FSTL5: variants seen among roughly 807,000 people sequenced by gnomAD.
FSTL5 encodes follistatin like 5, also known as follistatin-related protein 5.
Under a neutral mutation model 89.1 loss-of-function variants are expected in FSTL5, and 62 were observed. The ratio of observed to expected loss-of-function variants is 0.70; its 90% CI spans 0.57 to 0.86. The LOEUF is 0.86. Ranked by LOEUF, FSTL5 falls within the 40% of genes least tolerant of loss-of-function variation. The pLI, the probability that FSTL5 is intolerant of heterozygous loss-of-function variation, is 0.00. For missense variants in FSTL5, 1,057 were observed against 1,001.6 expected (o/e 1.06, Z -0.75); for synonymous variants, 383 against 346.2 (o/e 1.11, Z -1.18).
chr4:162,051,209 G>A (rs1738369140), intron 2 of FSTL5, among the ~76,000 whole-genome samples: 1 of 151,140 alleles, frequency 6.6e-6, no homozygotes, highest in African/African-American at 2.4e-5. Context: ...GAGAATTGGG[G>A]GGAATATATC....
chr4:161,486,468 G>A (rs769749307), intron 12 of FSTL5, among the ~76,000 whole-genome samples: 4 of 152,192 alleles, frequency 2.6e-5, no homozygotes, highest in African/African-American at 4.8e-5. Flanking sequence ...CTGAAAACTT[G>A]TGGAAACACT....
chr4:161,912,289 A>G (rs1219877976), intron 4 of FSTL5, among the ~76,000 whole-genome samples: 2 of 152,176 alleles, frequency 1.3e-5, no homozygotes, highest in African/African-American at 4.8e-5. Context: ...ATGGTAAGTG[A>G]AATATCTATG....
At chr4:161,541,646 G>A (rs1366657424) in intron 9 of FSTL5, among the ~76,000 whole-genome samples, 1 of 151,852 alleles carries the variant, frequency 6.6e-6, no homozygotes, top group East Asian at 1.9e-4. Flanking sequence ...AATGTATAAT[G>A]ATTATATATA....
chr4:161,523,681 G>T (rs1731109734), intron 10 of FSTL5, among the ~76,000 whole-genome samples: 1 of 152,108 alleles, frequency 6.6e-6, no homozygotes, highest in Admixed American at 6.6e-5. Flanking sequence ...ATGGTGAAGT[G>T]AGTTTCCACA....
At chr4:161,722,709 C>T (rs1041905234) in intron 6 of FSTL5, among the ~76,000 whole-genome samples, 2 of 151,996 alleles carry the variant, frequency 1.3e-5, no homozygotes, top group African/African-American at 4.8e-5. Flanking sequence ...GCTTTTATTC[C>T]CTTAAATACA....
At chr4:161,960,066 A>G (rs1184051632) in intron 3 of FSTL5, among the ~76,000 whole-genome samples, 1 of 152,104 alleles carries the variant, frequency 6.6e-6, no homozygotes, top group Non-Finnish European at 1.5e-5. Flanking sequence ...AAATAAGTTC[A>G]GAACTTAACT....
intron 6 of FSTL5, among the ~76,000 whole-genome samples, chr4:161,659,643 C>T (rs183157405): frequency 6.6e-6 from 1 of 152,058 alleles, no homozygotes; most frequent in Admixed American, 6.6e-5. Context: ...AAAACAACAG[C>T]TATGAATCAA....
At chr4:161,421,466 A>T (rs1026654640) in intron 15 of FSTL5, among the ~76,000 whole-genome samples, 8 of 152,182 alleles carry the variant, frequency 5.3e-5, no homozygotes, top group Non-Finnish European at 1.2e-4. Flanking sequence ...TAGTTGTATC[A>T]GGTGAGCTGG....
At chr4:161,951,248 C>T (rs989714051) in intron 3 of FSTL5, among the ~76,000 whole-genome samples, 3 of 151,984 alleles carry the variant, frequency 2.0e-5, no homozygotes, top group Non-Finnish European at 2.9e-5. Context: ...GATAAATTAC[C>T]CAGTCTTGGG....
At chr4:161,555,459 C>T (rs984255040) in intron 8 of FSTL5, among the ~76,000 whole-genome samples, 5 of 150,930 alleles carry the variant, frequency 3.3e-5, no homozygotes, top group African/African-American at 1.2e-4. Context: ...CTGGATGATG[C>T]TGGTTTCTTT....
rs116389040 is a variant in FSTL5 at position 161,999,882 on chromosome 4, C to T, written c.160+33743G>A. The stretch of plus-strand genomic sequence containing the variant: ...TAGTCTCTTCAAAAGTTAGAAAAGA[C>T]TTCAGAGGTCAAATTCACCTCCGAT... On this transcript the variant is annotated intron_variant, in intron 3 of 15. Coordinates refer to ENST00000306100, the MANE Select transcript of FSTL5 (RefSeq NM_020116.5). 2.2e-3 allele frequency among the ~76,000 whole-genome samples: 338 copies of T among 152,266 alleles called. 1 individual carries two copies. Among genetic ancestry groups the T allele is most frequent in the Non-Finnish European group, 3.2e-3 (221 of 68,022 alleles).
intron 4 of FSTL5, among the ~76,000 whole-genome samples, chr4:161,837,102 G>C (rs1310474498): frequency 6.6e-6 from 1 of 152,124 alleles, no homozygotes; most frequent in Non-Finnish European, 1.5e-5. Flanking sequence ...TGAAGCCATA[G>C]AGAAAAGTAT....
intron 15 of FSTL5, among the ~76,000 whole-genome samples, chr4:161,430,526 G>T (rs1184695482): frequency 1.3e-5 from 2 of 152,144 alleles, no homozygotes; most frequent in African/African-American, 4.8e-5. Flanking sequence ...GGATCACGAG[G>T]TCAGGAGATC....
chr4:161,529,056 G>A (rs28475147), intron 10 of FSTL5, among the ~76,000 whole-genome samples: 4,442 of 143,026 alleles, frequency 0.031, 611 homozygotes, highest in African/African-American at 0.1. Context: ...GCCTTGCAGA[G>A]AAAATTCAGG....
intron 3 of FSTL5, among the ~76,000 whole-genome samples, chr4:161,937,203 A>G (rs1042358853): frequency 4.6e-5 from 7 of 152,140 alleles, no homozygotes; most frequent in African/African-American, 1.7e-4. Context: ...ATAATAGCCA[A>G]TAAATGAAAT....
At chr4:161,658,165 G>A (rs7654536) in intron 6 of FSTL5, among the ~76,000 whole-genome samples, 25,636 of 152,124 alleles carry the variant, frequency 0.17, 2,414 homozygotes, top group East Asian at 0.32. Flanking sequence ...TGCTTCCTGA[G>A]TAATAAGAAC....
chr4:161,437,399 T>TA (rs1732596082), intron 15 of FSTL5, among the ~76,000 whole-genome samples: 1 of 151,706 alleles, frequency 6.6e-6, no homozygotes, highest in Non-Finnish European at 1.5e-5. Context: ...ACCCCGTCTC[T>TA]ACTGAAAAAT....
At chr4:161,532,034 C>T (rs1415231369) in intron 10 of FSTL5, among the ~76,000 whole-genome samples, 1 of 151,788 alleles carries the variant, frequency 6.6e-6, no homozygotes, top group Admixed American at 6.6e-5. Flanking sequence ...GAAACCCCGT[C>T]TCTACTAAAA....
chr4:161,866,287 C>T (rs1732085820), intron 4 of FSTL5, among the ~76,000 whole-genome samples: 2 of 151,980 alleles, frequency 1.3e-5, no homozygotes, highest in East Asian at 1.9e-4. Flanking sequence ...TTCAGAAAAA[C>T]TCTTTCTTCT....
Sources: allele counts gnomAD v4.1 joint callset (sites outside exome capture counted in the v4.1 genomes callset), GRCh38; gene constraint gnomAD v4.1.1; transcripts MANE v1.5; gene names NCBI Gene and HGNC (gene_info 2026-07-23, HGNC 2026-07-21).